The following KIF6 variants were observed in gnomAD, a reference collection of about 807,000 sequenced individuals.
The protein encoded by KIF6 is kinesin-like protein KIF6.
A neutral mutation model predicts 112.7 loss-of-function variants in KIF6; 106 were observed. That is an observed-to-expected ratio of 0.94 (90% CI 0.80 to 1.11). KIF6 has a LOEUF of 1.11. Ranked by LOEUF, KIF6 falls within the 50% of genes least tolerant of loss-of-function variation. KIF6 has a pLI of 0.00. For missense variants in KIF6, 929 were observed against 964.0 expected, an observed-to-expected ratio of 0.96 and a Z score of 0.48; for synonymous variants, 339 against 339.9, an observed-to-expected ratio of 1.00 and a Z score of 0.03.
intron 13 of KIF6, among the ~76,000 whole-genome samples, chr6:39,508,923 A>T (rs1776602789): frequency 6.6e-6 from 1 of 152,140 alleles, no homozygotes; most frequent in South Asian, 2.1e-4. Flanking sequence ...CTGCCTCCTC[A>T]AGTGGGTCCC....
In KIF6 at chr6:39,544,537, T is replaced by A. The variant is rs748731636; in HGVS notation, c.1426+18A>T. The A allele has an allele frequency of 6.2e-7, 1 of 1,604,486 alleles. No homozygotes were observed. Among genetic ancestry groups the A allele is most frequent in the Non-Finnish European group, 8.5e-7 (1 of 1,177,134 alleles). On this transcript the variant is annotated intron_variant, in intron 12 of 22. Transcript: ENST00000287152. Reference sequence around the variant, plus strand: ...AACCAGGATAGAGGAAGTTTCTTCATCACTTCAGAAAGGATACTGATTTCG... The same window carrying A: ...AACCAGGATAGAGGAAGTTTCTTCAACACTTCAGAAAGGATACTGATTTCG...
chr6:39,647,516 C>T (rs774297496), intron 3 of KIF6, among the ~76,000 whole-genome samples: 4 of 151,550 alleles, frequency 2.6e-5, no homozygotes, highest in African/African-American at 4.8e-5. Context: ...TGACTCAAGC[C>T]GAGCAAAAAA....
chr6:39,465,146 G>A (rs914063771), intron 13 of KIF6, among the ~76,000 whole-genome samples: 24 of 152,110 alleles, frequency 1.6e-4, no homozygotes, highest in African/African-American at 4.3e-4. Context: ...GTAGGCGGGC[G>A]GGGATATCAT....
intron 15 of KIF6, among the ~76,000 whole-genome samples, chr6:39,406,800 A>G (rs1225108512): frequency 6.6e-6 from 1 of 152,190 alleles, no homozygotes; most frequent in African/African-American, 2.4e-5. Flanking sequence ...CCAGGCTGGA[A>G]TGCAGTGGCA....
intron 13 of KIF6, among the ~76,000 whole-genome samples, chr6:39,502,847 A>T (rs1486137332): frequency 6.6e-6 from 1 of 152,230 alleles, no homozygotes; most frequent in African/African-American, 2.4e-5. Flanking sequence ...TCATAAAGCA[A>T]GTTCTTAGAG....
At chr6:39,350,195 G>A (rs917948714) in intron 19 of KIF6, among the ~76,000 whole-genome samples, 16 of 152,260 alleles carry the variant, frequency 1.1e-4, no homozygotes, top group East Asian at 3.9e-4. Flanking sequence ...TTGGAAGAGC[G>A]GATACCCCAG....
In KIF6 at chr6:39,500,318, G is replaced by A. The variant is rs79963807; in HGVS notation, c.1645+39685C>T. On this transcript the variant is annotated intron_variant, in intron 13 of 22. Coordinates refer to ENST00000287152, the MANE Select transcript of KIF6 (RefSeq NM_145027.6). ...CGGAAAGACAGGTACACTTCACATCGGGAAAAGAAAGTCCCCAGAGTCCAG... is the reference window on the plus strand; with the variant it reads ...CGGAAAGACAGGTACACTTCACATCAGGAAAAGAAAGTCCCCAGAGTCCAG... Among the ~76,000 whole-genome samples, 191 of 152,220 alleles carry A rather than the reference G, an allele frequency of 1.3e-3. 2 individuals are homozygous for A. In the East Asian group the frequency reaches 0.019, roughly 15 times the overall value.
chr6:39,664,667 G>A (rs1786357002), intron 3 of KIF6, among the ~76,000 whole-genome samples: 1 of 152,106 alleles, frequency 6.6e-6, no homozygotes, highest in African/African-American at 2.4e-5. Flanking sequence ...CTCTTCTCTA[G>A]CTTGAATTAA....
chr6:39,528,319 C>T (rs1004727765), intron 13 of KIF6, among the ~76,000 whole-genome samples: 1 of 152,138 alleles, frequency 6.6e-6, no homozygotes, highest in Non-Finnish European at 1.5e-5. Context: ...TGAACAGTAT[C>T]GCATTGTGTA....
intron 13 of KIF6, among the ~76,000 whole-genome samples, chr6:39,503,378 A>G (rs1328489098): frequency 6.6e-6 from 1 of 152,208 alleles, no homozygotes; most frequent in Non-Finnish European, 1.5e-5. Flanking sequence ...AAATGCCCAC[A>G]TCAAAAAGCT....
intron 13 of KIF6, among the ~76,000 whole-genome samples, chr6:39,490,071 G>A (rs993850705): frequency 7.2e-5 from 11 of 152,278 alleles, no homozygotes; most frequent in African/African-American, 1.9e-4. Flanking sequence ...AATAAAGTAC[G>A]AGAAGTGAAA....
chr6:39,685,630 A>T (rs9367022), intron 3 of KIF6, among the ~76,000 whole-genome samples: 51 of 152,174 alleles, frequency 3.4e-4, no homozygotes, highest in Non-Finnish European at 6.9e-4. Context: ...ATTTTACTCC[A>T]GCAATATTCA....
intron 10 of KIF6, among the ~76,000 whole-genome samples, chr6:39,550,610 T>C (rs555681913): frequency 1.1e-4 from 17 of 152,290 alleles, no homozygotes; most frequent in Non-Finnish European, 2.1e-4. Context: ...ACCATGGAAA[T>C]TGGTATTCCA....
chr6:39,345,640 G>A (rs1763647678), intron 21 of KIF6, 60 bp downstream of exon 21: 2 of 1,391,478 alleles, frequency 1.4e-6, no homozygotes, highest in South Asian at 2.5e-5. Flanking sequence ...GACTGGAGAT[G>A]GAGGCCCACT....
At chr6:39,401,721 A>C (rs1228589373) in intron 15 of KIF6, among the ~76,000 whole-genome samples, 1 of 151,990 alleles carries the variant, frequency 6.6e-6, no homozygotes. Context: ...TAGCAGGTGA[A>C]GTCATGCTAG....
At chr6:39,466,726 A>G (rs1581918977) in intron 13 of KIF6, among the ~76,000 whole-genome samples, 1 of 152,072 alleles carries the variant, frequency 6.6e-6, no homozygotes, top group South Asian at 2.1e-4. Flanking sequence ...CATGACCCCT[A>G]TCTCTGTATT....
intron 10 of KIF6, among the ~76,000 whole-genome samples, chr6:39,558,393 G>A (rs1561808948): frequency 6.6e-6 from 1 of 152,056 alleles, no homozygotes; most frequent in East Asian, 1.9e-4. Context: ...TTCACACTGT[G>A]GGTTTTCTTT....
At chr6:39,360,710 C>A (rs963636487) in intron 17 of KIF6, among the ~76,000 whole-genome samples, 180 bp from the exon 18 acceptor site, 1 of 152,144 alleles carries the variant, frequency 6.6e-6, no homozygotes, top group Non-Finnish European at 1.5e-5. Context: ...TTGAGTCCAT[C>A]ACAGAGAAGC....
At chr6:39,380,161 A>G (rs538005195) in intron 16 of KIF6, among the ~76,000 whole-genome samples, 6 of 152,384 alleles carry the variant, frequency 3.9e-5, no homozygotes, top group African/African-American at 1.4e-4. Flanking sequence ...AATCTAGTTA[A>G]GTTAGTATCA....
Sources: gnomAD v4.1 joint callset for allele counts (sites outside exome capture counted in the v4.1 genomes callset) on GRCh38, gnomAD v4.1.1 for gene constraint, MANE v1.5 for transcripts, NCBI Gene and HGNC (gene_info 2026-07-23, HGNC 2026-07-21) for gene names.